Variants in UBE2L5 observed in about 807,000 individuals in gnomAD.
UBE2L5 encodes ubiquitin conjugating enzyme E2 L5.
In UBE2L5, 3 loss-of-function variants were observed where a neutral mutation model predicts 10.0. That is an observed-to-expected ratio of 0.30 (90% confidence interval 0.14 to 0.78). The LOEUF is 0.78. UBE2L5 is among the 30% of genes least tolerant of loss of function. The pLI, the probability that UBE2L5 is intolerant of heterozygous loss-of-function variation, is 0.65. For missense variants in UBE2L5, 131 were observed against 193.3 expected (o/e 0.68, Z 1.91); for synonymous variants, 60 against 71.9 (o/e 0.83, Z 0.83).
At chr13:30,423,944 C>G (rs563418626) in intron 1 of UBE2L5, among the ~76,000 whole-genome samples, 1 of 152,368 alleles carries the variant, frequency 6.6e-6, no homozygotes, top group African/African-American at 2.4e-5. Context: ...TGTATGTTCC[C>G]AACCAGAGGG....
At chr13:30,426,699 A>G (rs141778980) in intron 2 of UBE2L5, 26 bp from the exon 3 acceptor site, 78 of 152,248 alleles carry the variant, frequency 5.1e-4, no homozygotes, top group African/African-American at 1.8e-3. Flanking sequence ...TTACATTTTG[A>G]TTCAAAATGT....
rs1387987328 is a variant in UBE2L5, at chr13:30,429,004, C to T, written c.*549C>T. On this transcript the variant is annotated 3_prime_UTR_variant, in exon 4 of 4. Coordinates refer to ENST00000635918, the MANE Select transcript of UBE2L5 (RefSeq NM_001355247.2). ...AATACCTGCGAGCCGGGTTTGGTGG[C>T]TCACACCTGTAATGCTATCACTTTG... is the stretch of plus-strand genomic sequence containing the variant. Among the ~76,000 whole-genome samples, 1 of 152,006 alleles carries T rather than the reference C, an allele frequency of 6.6e-6. No homozygotes were observed.
chr13:30,423,954 G>T (rs1021892237), intron 1 of UBE2L5, among the ~76,000 whole-genome samples: 3 of 152,224 alleles, frequency 2.0e-5, no homozygotes, highest in African/African-American at 4.8e-5. Context: ...CAACCAGAGG[G>T]TGCATGCTGG....
In UBE2L5 at chr13:30,427,796, T is replaced by A; in HGVS notation, c.-195T>A. On this transcript the variant is annotated 5_prime_UTR_variant, in exon 4 of 4. Transcript: ENST00000635918. ...TCCAGCCTGGGCAACAGAGAGAGAC[T>A]CTGGCTAAAAAAAAAAAAAATTATA... The A allele has an allele frequency of 3.4e-6, 2 of 581,706 alleles. No homozygotes were observed. The highest frequency in any genetic ancestry group is 2.9e-5 in the East Asian group (1 of 34,596). The allele number at this position is 581,706 out of a possible 1,614,324, so 36.0% of individuals were successfully genotyped here.
At chr13:30,425,273 G>C (rs1039301868) in intron 2 of UBE2L5, among the ~76,000 whole-genome samples, 3 of 152,194 alleles carry the variant, frequency 2.0e-5, no homozygotes, top group Non-Finnish European at 4.4e-5. Flanking sequence ...TCCCTGGCTG[G>C]TCCTGGCCAG....
chr13:30,429,272 C>G lies in UBE2L5; in HGVS notation c.*817C>G, dbSNP rs1359113838. 6.6e-6 allele frequency among the ~76,000 whole-genome samples: 1 copy of G among 151,284 alleles called. No homozygotes were observed. Among genetic ancestry groups the G allele is most frequent in the African/African-American group, 2.4e-5 (1 of 40,820 alleles). On this transcript the variant is annotated 3_prime_UTR_variant, in exon 4 of 4. Transcript: ENST00000635918. ...TGCACTCCAGCCTGGGCAACAAGAGCAAAACTCTGTCCCCCCCCCACAAAA... is the reference window on the plus strand; with the variant it reads ...TGCACTCCAGCCTGGGCAACAAGAGGAAAACTCTGTCCCCCCCCCACAAAA...
chr13:30,427,797 C>A lies in UBE2L5; in HGVS notation c.-194C>A. ...CCAGCCTGGGCAACAGAGAGAGACTCTGGCTAAAAAAAAAAAAAATTATAA... is the reference window on the plus strand; with the variant it reads ...CCAGCCTGGGCAACAGAGAGAGACTATGGCTAAAAAAAAAAAAAATTATAA... On this transcript the variant is annotated 5_prime_UTR_variant, in exon 4 of 4. It adds an upstream start codon to the 5' untranslated region. Transcript: ENST00000635918. The A allele has an allele frequency of 1.7e-6, 1 of 583,800 alleles. No homozygotes were observed. Among genetic ancestry groups the A allele is most frequent in the South Asian group, 2.3e-5 (1 of 43,402 alleles). 36.2% of individuals were successfully genotyped at this position (583,800 alleles called of 1,614,324 possible). A position where few individuals can be genotyped will look rare whatever the true frequency, so the allele number is the denominator to read the frequency against.
rs374386252 is a variant in UBE2L5 at position 30,426,934 on chromosome 13, TCTGA to T, written c.-631+159_-631+162del. 735 of 148,088 alleles carry T rather than the reference TCTGA, an allele frequency of 5.0e-3. 5 individuals carry two copies. Among genetic ancestry groups the T allele is most frequent in the African/African-American group, 0.017 (704 of 41,024 alleles). 9.2% of individuals were successfully genotyped at this position (148,088 alleles called of 1,614,324 possible). On this transcript the variant is annotated intron_variant, in intron 3 of 3. Coordinates refer to ENST00000635918, the MANE Select transcript of UBE2L5 (RefSeq NM_001355247.2). ...CTCTTATGCCAAATACAAAAATAACTCTGACTACTTTGCATTCATATTCCATAAC... is the reference window on the plus strand; with the variant it reads ...CTCTTATGCCAAATACAAAAATAACTCTACTTTGCATTCATATTCCATAAC...
Position 30,429,200 on chromosome 13 carries a change from G to A in UBE2L5, c.*745G>A, listed in dbSNP as rs893470780. ...CTCAGGAGGCTGAGGCAGGATAATC[G>A]TTTGGACCCTGGAGGCAGAGGCTGC... On this transcript the variant is annotated 3_prime_UTR_variant, in exon 4 of 4. Coordinates refer to ENST00000635918, the MANE Select transcript of UBE2L5 (RefSeq NM_001355247.2). Among the ~76,000 whole-genome samples, 2 of 152,008 alleles carry A rather than the reference G, an allele frequency of 1.3e-5. No homozygotes were observed. Among genetic ancestry groups the A allele is most frequent in the Middle Eastern group, 3.2e-3 (1 of 316 alleles).
chr13:30,427,835 T>G lies in UBE2L5; in HGVS notation c.-156T>G. ...AAAAAAATTATAATGTATAGGATTG[T>G]GGATGATCACTCTAACCAACCAGTG... is the stretch of plus-strand genomic sequence containing the variant. On this transcript the variant is annotated 5_prime_UTR_variant, in exon 4 of 4. Coordinates refer to ENST00000635918, the MANE Select transcript of UBE2L5 (RefSeq NM_001355247.2). The G allele has an allele frequency of 1.5e-6, 1 of 672,216 alleles. No homozygotes were observed. The allele number at this position is 672,216 out of a possible 1,614,324, so 41.6% of individuals were successfully genotyped here.
Position 30,423,556 on chromosome 13 carries a change from G to A in UBE2L5, c.-779+879G>A, listed in dbSNP as rs188671199. On this transcript the variant is annotated intron_variant, in intron 1 of 3. Transcript: ENST00000635918. ...GCCTGGGAAGTGAAGGTTGTAGTGAGCCAAGATAGCACCACTGCACTACAG... is the reference window on the plus strand; with the variant it reads ...GCCTGGGAAGTGAAGGTTGTAGTGAACCAAGATAGCACCACTGCACTACAG... Among the ~76,000 whole-genome samples the A allele has an allele frequency of 4.3e-3, 659 of 152,336 alleles. 3 individuals are homozygous for A. The highest frequency in any genetic ancestry group is 0.015 in the African/African-American group (644 of 41,584).
chr13:30,424,124 G>C (rs1233330141), intron 1 of UBE2L5, among the ~76,000 whole-genome samples: 1 of 152,184 alleles, frequency 6.6e-6, no homozygotes, highest in Non-Finnish European at 1.5e-5. Flanking sequence ...CACCCTGGGT[G>C]GGACTGTTGG....
chr13:30,423,613 T>G (rs1485641445), intron 1 of UBE2L5, among the ~76,000 whole-genome samples: 1 of 152,038 alleles, frequency 6.6e-6, no homozygotes, highest in East Asian at 1.9e-4. Context: ...TAAAATAAAC[T>G]GAAAGGCCGG....
chr13:30,425,709 G>A (rs1885528022), intron 2 of UBE2L5, among the ~76,000 whole-genome samples: 1 of 152,198 alleles, frequency 6.6e-6, no homozygotes, highest in Admixed American at 6.5e-5. Context: ...CGAAACTTCA[G>A]CTTATGTTTA....
Position 30,428,367 on chromosome 13 carries a change from C to A in UBE2L5, c.377C>A (p.Ala126Asp). Residue 126 changes from alanine (A) to aspartate (D), a missense_variant, in exon 4 of 4, where the codon GCT becomes GAT. Transcript: ENST00000635918. The part of the protein sequence containing the change: ...QPEHPLRADL[A>D]EEYSNDRKKF... ...GAGCACCCGCTTCGGGCTGACCTAG[C>A]TGAAGAATACTCTAACGACCGTAAA... is the stretch of plus-strand genomic sequence containing the variant. The A allele has an allele frequency of 6.2e-7, 1 of 1,611,826 alleles. No homozygotes were observed.
chr13:30,427,218 G>A (rs2137359329), intron 3 of UBE2L5, 143 bp from the exon 4 acceptor site: 1 of 152,190 alleles, frequency 6.6e-6, no homozygotes, highest in East Asian at 1.9e-4. Context: ...AAAGTGATAA[G>A]TTTTTGTGAA....
intron 2 of UBE2L5, among the ~76,000 whole-genome samples, 170 bp downstream of exon 2, chr13:30,425,071 G>A (rs12877352): frequency 2.6e-5 from 4 of 152,126 alleles, no homozygotes; most frequent in South Asian, 2.1e-4. Context: ...GGATACCTGC[G>A]TTACATTCCA....
In UBE2L5 at chr13:30,428,227, C is replaced by G. The variant is rs778846469; in HGVS notation, c.237C>G (p.Ile79Met). 3.1e-6 allele frequency: 5 copies of G among 1,609,022 alleles called. No homozygotes were observed. The African/African-American group carries it at 5.4e-5, about 17-fold the overall frequency. The part of the protein sequence containing the change: ...TFKTKIYHPN[I>M]DEKGQVCLPV... The stretch of plus-strand genomic sequence containing the variant: ...AAACAAAGATCTATCACCCGAACAT[C>G]GACGAAAAGGGGCAGGTCTGTCTGC... Residue 79 changes from isoleucine (I) to methionine (M), a missense_variant, in exon 4 of 4, where the codon ATC becomes ATG. Coordinates refer to ENST00000635918, the MANE Select transcript of UBE2L5 (RefSeq NM_001355247.2).
At chr13:30,425,771 C>A (rs959711011) in intron 2 of UBE2L5, among the ~76,000 whole-genome samples, 1 of 151,842 alleles carries the variant, frequency 6.6e-6, no homozygotes, top group Non-Finnish European at 1.5e-5. Context: ...GCCTGTAATC[C>A]CAGCACTTTG....
Sources: gnomAD v4.1 joint callset for allele counts (sites outside exome capture counted in the v4.1 genomes callset) on GRCh38, gnomAD v4.1.1 for gene constraint, MANE v1.5 for transcripts, NCBI Gene and HGNC (gene_info 2026-07-23, HGNC 2026-07-21) for gene names.